CEP85L: variants seen among roughly 807,000 people sequenced by gnomAD.
CEP85L encodes centrosomal protein 85L, also known as centrosomal protein of 85 kDa-like.
Under a neutral mutation model 100.3 loss-of-function variants are expected in CEP85L, and 60 were observed. The ratio of observed to expected loss-of-function variants is 0.60; its 90% CI spans 0.49 to 0.74. The LOEUF (loss-of-function observed/expected upper bound fraction) is 0.74, where lower values mean the gene tolerates loss of function less well. CEP85L is among the 30% of genes least tolerant of loss of function. The pLI, the probability that CEP85L is intolerant of heterozygous loss-of-function variation, is 0.00. For missense variants in CEP85L, 973 were observed against 936.2 expected (o/e 1.04, Z -0.51); for synonymous variants, 319 against 322.7 (o/e 0.99, Z 0.12).
chr6:118,491,605 CTGACAGGGTAAA>C, intron 6 of CEP85L, 69 bp downstream of exon 6: 1 of 1,529,216 alleles, frequency 6.5e-7, no homozygotes, highest in East Asian at 2.4e-5. Context: ...GGCATGACAC[CTGACAGGGTAAA>C]TGACAGACAA....
chr6:118,695,760 TA>T (rs1383312021), intron 1 of CEP85L, among the ~76,000 whole-genome samples: 2 of 152,224 alleles, frequency 1.3e-5, no homozygotes, highest in Admixed American at 1.3e-4. Context: ...GCTGTCCAGA[TA>T]AAAAGTAATG....
At chr6:118,490,240 A>G (rs1326319276) in intron 6 of CEP85L, among the ~76,000 whole-genome samples, 1 of 152,220 alleles carries the variant, frequency 6.6e-6, no homozygotes, top group Non-Finnish European at 1.5e-5. Context: ...TTTCAATTAC[A>G]TAAATGAATA....
intron 3 of CEP85L, chr6:118,537,712 T>G: frequency 1.0e-6 from 1 of 985,360 alleles, no homozygotes; most frequent in Non-Finnish European, 1.2e-6. Flanking sequence ...AGTTCAAAAT[T>G]CTTTGGCCTG....
At chr6:118,465,602 A>T in intron 12 of CEP85L, 34 bp from the exon 13 acceptor site, 2 of 1,595,410 alleles carry the variant, frequency 1.3e-6, no homozygotes, top group Non-Finnish European at 1.7e-6. Flanking sequence ...AATATCTCAC[A>T]TTTTTTTGAA....
chr6:118,651,751 C>G (rs566354242), upstream of CEP85L: 254 of 986,974 alleles, frequency 2.6e-4, no homozygotes, highest in African/African-American at 4.1e-3. Flanking sequence ...GCTTCGCCTC[C>G]TTGGCGGCGA....
chr6:118,697,536 T>G (rs917186098), intron 1 of CEP85L, among the ~76,000 whole-genome samples: 6 of 152,226 alleles, frequency 3.9e-5, no homozygotes, highest in African/African-American at 1.4e-4. Flanking sequence ...AGCACTTCAG[T>G]AATCTATTTT....
chr6:118,663,974 G>C (rs1032146674), intron 1 of CEP85L, among the ~76,000 whole-genome samples: 2 of 150,434 alleles, frequency 1.3e-5, no homozygotes, highest in African/African-American at 2.4e-5. Context: ...ACCCAGGCTG[G>C]AGTGTTGACC....
chr6:118,540,738 AGAGC>A (rs1419782712), intron 3 of CEP85L, among the ~76,000 whole-genome samples: 1 of 150,880 alleles, frequency 6.6e-6, no homozygotes, highest in Non-Finnish European at 1.5e-5. Flanking sequence ...GCCTGGCAAC[AGAGC>A]GAGACCCCAT....
intron 6 of CEP85L, among the ~76,000 whole-genome samples, chr6:118,484,285 C>T (rs1392070661): frequency 6.6e-6 from 1 of 152,216 alleles, no homozygotes; most frequent in Non-Finnish European, 1.5e-5. Flanking sequence ...CACTGCACTC[C>T]TGCCTGGGTG....
chr6:118,612,703 T>G (rs1772728063), intron 2 of CEP85L, among the ~76,000 whole-genome samples: 1 of 114,906 alleles, frequency 8.7e-6, no homozygotes, highest in Non-Finnish European at 1.7e-5. Context: ...GACTCTCAAA[T>G]CAGTAATCTA....
At chr6:118,677,065 A>G (rs1776507272) in intron 1 of CEP85L, among the ~76,000 whole-genome samples, 1 of 152,192 alleles carries the variant, frequency 6.6e-6, no homozygotes, top group Non-Finnish European at 1.5e-5. Flanking sequence ...GTATTACAGT[A>G]GAACATTAAG....
intron 2 of CEP85L, among the ~76,000 whole-genome samples, chr6:118,591,959 A>T: frequency 6.6e-6 from 1 of 152,254 alleles, no homozygotes; most frequent in East Asian, 1.9e-4. Flanking sequence ...TTTACAAAAG[A>T]ATGTAAATCA....
chr6:118,484,787 G>T (rs1236854720), intron 6 of CEP85L, among the ~76,000 whole-genome samples: 2 of 152,204 alleles, frequency 1.3e-5, no homozygotes, highest in African/African-American at 4.8e-5. Context: ...CAGACTTGCA[G>T]AGAAATTGCT....
chr6:118,598,144 T>C (rs1197867458), intron 2 of CEP85L, among the ~76,000 whole-genome samples: 1 of 152,226 alleles, frequency 6.6e-6, no homozygotes, highest in Non-Finnish European at 1.5e-5. Context: ...AACTTCTCAA[T>C]CCTCATTCCC....
At chr6:118,510,912 A>G (rs1049573871) in intron 5 of CEP85L, among the ~76,000 whole-genome samples, 3 of 152,144 alleles carry the variant, frequency 2.0e-5, no homozygotes, top group Non-Finnish European at 2.9e-5. Flanking sequence ...TATCTAGGTA[A>G]TGATAGAGAA....
chr6:118,584,956 G>A (rs1212559449), intron 2 of CEP85L, among the ~76,000 whole-genome samples: 1 of 152,180 alleles, frequency 6.6e-6, no homozygotes, highest in Non-Finnish European at 1.5e-5. Context: ...TGGGGAATCT[G>A]AGCATGACTA....
chr6:118,625,106 A>T (rs2115293086), intron 2 of CEP85L, among the ~76,000 whole-genome samples: 1 of 152,288 alleles, frequency 6.6e-6, no homozygotes, highest in Non-Finnish European at 1.5e-5. Flanking sequence ...CCCAGTCACC[A>T]ATCTGCCAGC....
chr6:118,703,921 A>G (rs1777510178), intron 1 of CEP85L, among the ~76,000 whole-genome samples: 1 of 152,218 alleles, frequency 6.6e-6, no homozygotes, highest in African/African-American at 2.4e-5. Context: ...ATACATGTAT[A>G]TAATTCATGA....
intron 3 of CEP85L, among the ~76,000 whole-genome samples, chr6:118,563,456 G>A (rs1779335653): frequency 6.6e-6 from 1 of 152,136 alleles, no homozygotes; most frequent in African/African-American, 2.4e-5. Context: ...ATGACTTTCA[G>A]CCAAATTCCT....
Sources: gnomAD v4.1 joint callset for allele counts (sites outside exome capture counted in the v4.1 genomes callset) on GRCh38, gnomAD v4.1.1 for gene constraint, MANE v1.5 for transcripts, NCBI Gene and HGNC (gene_info 2026-07-23, HGNC 2026-07-21) for gene names.